The following CTU2 variants were observed in gnomAD, a reference collection of about 807,000 sequenced individuals.
CTU2 encodes cytoplasmic tRNA 2-thiolation protein 2.
CTU2 carries 80 observed loss-of-function variants against 64.1 expected under a neutral mutation model. The observed-to-expected ratio is 1.25, with a 90% CI of 1.04 to 1.50. The LOEUF is 1.50. Among genes scored for constraint, CTU2 ranks in the 40% most tolerant of loss-of-function variants. The probability of loss-of-function intolerance (pLI) is 0.00; values close to 1 mark genes in which losing one functional copy is unlikely to be tolerated. For synonymous variants in CTU2, 482 were observed against 285.3 expected (o/e 1.69, Z -6.95); for missense variants, 1,110 against 690.2 (o/e 1.61, Z -6.81).
chr16:88,707,921 C>T lies in CTU2; in HGVS notation c.143+711C>T, dbSNP rs749870960. On this transcript the variant is annotated intron_variant, in intron 2 of 14. Transcript: ENST00000453996. ...TACCTCCTGGGTTCAAGTGATTCTC[C>T]TGCCTCAGCCTCCTGAGTAGCTGGG... Among the ~76,000 whole-genome samples, 3 of 152,224 alleles carry T rather than the reference C, an allele frequency of 2.0e-5. 1 individual carries two copies. Among genetic ancestry groups the T allele is most frequent in the Non-Finnish European group, 4.4e-5 (3 of 68,018 alleles).
At position 88,714,616 on chromosome 16, in the gene CTU2, T is replaced by G. The variant is rs370859650; in HGVS notation, c.1231T>G (p.Ser411Ala). 80 of 1,612,416 alleles carry G rather than the reference T, an allele frequency of 5.0e-5. No individual in the cohort carries two copies. The highest frequency in any genetic ancestry group is 6.5e-5 in the Non-Finnish European group (77 of 1,179,866). ...DSATAFGAQT[S>A]SRLSQMQSPI... is the part of the protein sequence containing the mutation. ...TGCCACGGCTTTTGGGGCTCAGACC[T>G]CCTCGCGTCTCTCCCAGATGCAGTC... The change falls in exon 12 of 15, where the codon TCC becomes GCC. Residue 411 changes from serine to alanine, a missense_variant. Physicochemically the swap from Ser to Ala is moderately conservative, Grantham distance 99. Coordinates refer to ENST00000453996, the MANE Select transcript of CTU2 (RefSeq NM_001012759.3).
chr16:88,709,926 T>C lies in CTU2; in HGVS notation c.144-12T>C, dbSNP rs144951100. The C allele has an allele frequency of 1.2e-6, 2 of 1,613,170 alleles. No homozygotes were observed. The highest frequency in any genetic ancestry group is 4.5e-5 in the East Asian group (2 of 44,880). ...TAGCAGGCGGTTCCCTCATCTCAGGTCTGTGTTGCAGGGACTGTTTCAAGG... is the reference window on the plus strand; with the variant it reads ...TAGCAGGCGGTTCCCTCATCTCAGGCCTGTGTTGCAGGGACTGTTTCAAGG... On this transcript the variant is annotated splice_polypyrimidine_tract_variant and intron_variant, in intron 2 of 14. Coordinates refer to ENST00000453996, the MANE Select transcript of CTU2 (RefSeq NM_001012759.3).
chr16:88,711,791 T>G (rs1911343527), intron 5 of CTU2, 96 bp downstream of exon 5: 1 of 1,195,182 alleles, frequency 8.4e-7, no homozygotes, highest in Non-Finnish European at 1.2e-6. Flanking sequence ...GTGCCGGTCC[T>G]CCCTCTGGTA....
chr16:88,709,900 G>A (rs765947678), intron 2 of CTU2, 38 bp from the exon 3 acceptor site: 3 of 1,587,818 alleles, frequency 1.9e-6, no homozygotes, highest in African/African-American at 1.3e-5. Flanking sequence ...CACTGTGCGG[G>A]TAGCAGGCGG....
chr16:88,714,871 A>T lies in CTU2; in HGVS notation c.1364A>T (p.Gln455Leu), dbSNP rs774523741. The T allele has an allele frequency of 3.7e-6, 6 of 1,612,524 alleles. No homozygotes were observed. Among genetic ancestry groups the T allele is most frequent in the Admixed American group, 3.3e-5 (2 of 60,000 alleles). ...GQGACRREDP[Q>L]ACIEEQLCYS... ...CTCTGCTCCCGCAGGGAGGACCCCCAAGCCTGCATTGAGGAGCAGCTGTGC... is the reference window on the plus strand; with the variant it reads ...CTCTGCTCCCGCAGGGAGGACCCCCTAGCCTGCATTGAGGAGCAGCTGTGC... Residue 455 changes from glutamine (Q) to leucine (L), a missense_variant, in exon 13 of 15, where the codon CAA becomes CTA. By Grantham distance (113) the Gln-to-Leu change is moderately radical (BLOSUM62 -2). Transcript: ENST00000453996.
rs777591780 is a variant in CTU2, at chr16:88,712,310, C to G, written c.380C>G (p.Ser127Ter). ...AACGQSLEERSKTLAEVKPIL... is the reference protein window; with the variant it reads ...AACGQSLEER The stretch of plus-strand genomic sequence containing the variant: ...TGTGGCCAGAGCCTAGAGGAGAGAT[C>G]AAAGACCCTGGCCGAAGTGAAGCCC... Residue 127 changes from serine (S) to a stop codon, truncating the protein, a stop_gained, in exon 6 of 15, where the codon TCA becomes TGA. Transcript: ENST00000453996. LOFTEE classifies it high-confidence loss of function. 4 of 1,609,032 alleles carry G rather than the reference C, an allele frequency of 2.5e-6. No individual in the cohort carries two copies. The highest frequency in any genetic ancestry group is 2.2e-5 in the East Asian group (1 of 44,790).
rs73262667 is a variant in CTU2 at position 88,713,345 on chromosome 16, C to A, written c.771C>A (p.His257Gln). 1.6e-5 allele frequency: 25 copies of A among 1,597,992 alleles called. No homozygotes were observed. Among genetic ancestry groups the A allele is most frequent in the South Asian group, 6.7e-5 (6 of 89,972 alleles). The change falls in exon 8 of 15, where the codon CAC becomes CAA. Residue 257 changes from histidine (H) to glutamine (Q), a missense_variant. Coordinates refer to ENST00000453996, the MANE Select transcript of CTU2 (RefSeq NM_001012759.3). ...THLILHMARA[H>Q]GYSKVMTGDS... ...TGATCCTCCACATGGCCCGAGCCCACGGCTACTCCAAGGTCATGACTGGGG... is the reference window on the plus strand; with the variant it reads ...TGATCCTCCACATGGCCCGAGCCCAAGGCTACTCCAAGGTCATGACTGGGG...
At chr16:88,714,792 T>C (rs1482146111) in intron 12 of CTU2, 55 bp downstream of exon 12, 3 of 1,608,228 alleles carry the variant, frequency 1.9e-6, no homozygotes, top group Admixed American at 1.7e-5. Context: ...GAGGGGGACC[T>C]GTCCTTACCC....
At chr16:88,712,499 G>C in intron 6 of CTU2, 116 bp downstream of exon 6, 2 of 1,459,576 alleles carry the variant, frequency 1.4e-6, no homozygotes, top group African/African-American at 1.4e-5. Flanking sequence ...TCGGTGGGGG[G>C]TGGGAGGCAC....
intron 2 of CTU2, 98 bp downstream of exon 2, chr16:88,707,308 A>G (rs1387143155): frequency 5.2e-6 from 6 of 1,143,818 alleles, no homozygotes; most frequent in African/African-American, 3.0e-5. Flanking sequence ...TTTTAAAAAC[A>G]TGTACTTACT....
At chr16:88,713,852 A>T (rs1006953593) in intron 9 of CTU2, 74 bp downstream of exon 9, 3 of 1,584,622 alleles carry the variant, frequency 1.9e-6, no homozygotes, top group African/African-American at 1.3e-5. Flanking sequence ...GCAGCCTCTC[A>T]CAGGCTCAGG....
Position 88,714,381 on chromosome 16 carries a change from A to G in CTU2, c.1098-2A>G. The G allele has an allele frequency of 6.2e-7, 1 of 1,612,372 alleles. No individual in the cohort carries two copies. The highest frequency in any genetic ancestry group is 8.5e-7 in the Non-Finnish European group (1 of 1,179,784). On this transcript the variant is annotated splice_acceptor_variant, in intron 10 of 14. Transcript: ENST00000453996. LOFTEE classifies it high-confidence loss of function. ...CCTGCTCCTCCCACAATCCGGCCAC[A>G]GGACAAGTGAGAAGCTGGTGAAGGG... is the stretch of plus-strand genomic sequence containing the variant.
rs1218643869 is a variant in CTU2, at chr16:88,714,920, G to GGACTT, written c.1415_1419dup (p.Pro474ThrfsTer33). 3 of 1,612,670 alleles carry GGACTT rather than the reference G, an allele frequency of 1.9e-6. No homozygotes were observed. The highest frequency in any genetic ancestry group is 2.5e-6 in the Non-Finnish European group (3 of 1,179,900). On this transcript the variant is annotated frameshift_variant, in exon 13 of 15. Coordinates refer to ENST00000453996, the MANE Select transcript of CTU2 (RefSeq NM_001012759.3). LOFTEE classifies it high-confidence loss of function. ...GCTACAGCTGCCGCGTGAACATGAA[G>GGACTT]GACTTGGTGAGTACGTGCCCACCTG...
At chr16:88,711,894 G>C (rs1285812891) in intron 5 of CTU2, among the ~76,000 whole-genome samples, 199 bp downstream of exon 5, 1 of 152,216 alleles carries the variant, frequency 6.6e-6, no homozygotes, top group Admixed American at 6.5e-5. Context: ...TCGTTAGGTG[G>C]CATCACTGTT....
rs1264533125 is a variant in CTU2, at chr16:88,714,725, G to A, written c.1340G>A (p.Gly447Glu). ...GGCTGGGCCCAGCGCTGTGGCCAGG[G>A]GGCCTGCAGGAGGTGAGTCCCTGTC... ...GVGWAQRCGQ[G>E]ACRREDPQAC... Residue 447 changes from glycine to glutamate, a missense_variant, in exon 12 of 15, where the codon GGG becomes GAG. By Grantham distance (98) the Gly-to-Glu change is moderately conservative. Coordinates refer to ENST00000453996, the MANE Select transcript of CTU2 (RefSeq NM_001012759.3). The A allele has an allele frequency of 5.0e-6, 8 of 1,607,674 alleles. No individual in the cohort carries two copies. The highest frequency in any genetic ancestry group is 2.7e-5 in the African/African-American group (2 of 74,784).
chr16:88,714,369 C>A lies in CTU2; in HGVS notation c.1098-14C>A. 2 of 1,612,076 alleles carry A rather than the reference C, an allele frequency of 1.2e-6. No homozygotes were observed. Among genetic ancestry groups the A allele is most frequent in the Non-Finnish European group, 1.7e-6 (2 of 1,179,626 alleles). On this transcript the variant is annotated splice_polypyrimidine_tract_variant and intron_variant, in intron 10 of 14. Coordinates refer to ENST00000453996, the MANE Select transcript of CTU2 (RefSeq NM_001012759.3). ...CCGTGTGATTCACCTGCTCCTCCCA[C>A]AATCCGGCCACAGGACAAGTGAGAA...
Position 88,712,336 on chromosome 16 carries a change from A to T in CTU2, c.406A>T (p.Ile136Phe), listed in dbSNP as rs1438560883. 1.9e-6 allele frequency: 3 copies of T among 1,610,946 alleles called. No homozygotes were observed. Among genetic ancestry groups the T allele is most frequent in the Non-Finnish European group, 1.7e-6 (2 of 1,178,660 alleles). Reference protein sequence around the residue: ...RSKTLAEVKPILQATGFPWHV... With the variant: ...RSKTLAEVKPFLQATGFPWHV... ...AAAGACCCTGGCCGAAGTGAAGCCCATTCTGCAAGCAACTGGGTTCCCATG... is the reference window on the plus strand; with the variant it reads ...AAAGACCCTGGCCGAAGTGAAGCCCTTTCTGCAAGCAACTGGGTTCCCATG... Residue 136 changes from isoleucine to phenylalanine, a missense_variant, in exon 6 of 15, where the codon ATT becomes TTT. Physicochemically the swap from Ile to Phe is conservative, Grantham distance 21. Coordinates refer to ENST00000453996, the MANE Select transcript of CTU2 (RefSeq NM_001012759.3).
intron 1 of CTU2, chr16:88,706,814 C>T (rs1567643655): frequency 1.9e-6 from 1 of 524,856 alleles, no homozygotes; most frequent in South Asian, 2.8e-5. Context: ...CCACTGGGGA[C>T]GGCTCTGCCG....
At chr16:88,710,510 A>G (rs1219775043) in intron 4 of CTU2, 1 of 556,794 alleles carries the variant, frequency 1.8e-6, no homozygotes, top group Non-Finnish European at 3.2e-6. Context: ...CAGCAGGTGC[A>G]CAAATCAGAA....
Sources: allele counts gnomAD v4.1 joint callset (sites outside exome capture counted in the v4.1 genomes callset), GRCh38; gene constraint gnomAD v4.1.1; transcripts MANE v1.5; gene names NCBI Gene and HGNC (gene_info 2026-07-23, HGNC 2026-07-21).